Variants in NKAIN3 observed in about 807,000 individuals in gnomAD.
The protein encoded by NKAIN3 is sodium/potassium-transporting ATPase subunit beta-1-interacting protein 3.
Under a neutral mutation model 30.2 loss-of-function variants are expected in NKAIN3, and 25 were observed. The observed-to-expected ratio is 0.83, with a 90% CI of 0.60 to 1.16. The LOEUF is 1.16. NKAIN3 is among the 50% of genes most tolerant of loss of function. NKAIN3 has a pLI of 0.00. For missense variants in NKAIN3, 225 were observed against 254.1 expected (o/e 0.89, Z 0.78); for synonymous variants, 91 against 89.6 (o/e 1.02, Z -0.09).
At chr8:62,261,429 G>A (rs1229406342) in intron 1 of NKAIN3, among the ~76,000 whole-genome samples, 1 of 152,160 alleles carries the variant, frequency 6.6e-6, no homozygotes, top group Non-Finnish European at 1.5e-5. Context: ...TGAGTGACTA[G>A]AATCTAGAAT....
rs775979385 is a variant in NKAIN3 at position 62,345,249 on chromosome 8, G to GTATA, written c.54+96129_54+96132dup. On this transcript the variant is annotated intron_variant, in intron 1 of 6. Coordinates refer to ENST00000623646, the MANE Select transcript of NKAIN3 (RefSeq NM_001304533.3). ...CAGCCACCAAAATATGTACATGTGGGTATATATATACACACACACACACAC... is the reference window on the plus strand; with the variant it reads ...CAGCCACCAAAATATGTACATGTGGGTATATATATATATACACACACACACACAC... Among the ~76,000 whole-genome samples, 3 of 51,840 alleles carry GTATA rather than the reference G, an allele frequency of 5.8e-5. 1 individual carries two copies. The highest frequency in any genetic ancestry group is 1.7e-4 in the African/African-American group (3 of 18,158). 34.0% of individuals were successfully genotyped at this position (51,840 alleles called of 152,430 possible). A position where few individuals can be genotyped will look rare whatever the true frequency, so the allele number is the denominator to read the frequency against.
intron 1 of NKAIN3, among the ~76,000 whole-genome samples, chr8:62,320,400 G>C (rs1234754108): frequency 6.6e-6 from 1 of 151,984 alleles, no homozygotes; most frequent in African/African-American, 2.4e-5. Flanking sequence ...TATTTTGCTC[G>C]TTAGTTGATG....
At chr8:62,444,689 C>G (rs1805427886) in intron 1 of NKAIN3, among the ~76,000 whole-genome samples, 1 of 152,126 alleles carries the variant, frequency 6.6e-6, no homozygotes, top group Non-Finnish European at 1.5e-5. Context: ...GGTATCTCTT[C>G]AATATATTTA....
intron 1 of NKAIN3, among the ~76,000 whole-genome samples, chr8:62,347,624 C>A (rs561594224): frequency 1.3e-3 from 201 of 151,878 alleles, no homozygotes; most frequent in Non-Finnish European, 2.2e-3. Context: ...CATAACTAAA[C>A]AAGGATTAAA....
At chr8:62,322,180 T>A (rs962468462) in intron 1 of NKAIN3, among the ~76,000 whole-genome samples, 4 of 152,170 alleles carry the variant, frequency 2.6e-5, no homozygotes, top group African/African-American at 9.7e-5. Flanking sequence ...ATTGGAAAAG[T>A]GCAGTATTAG....
At chr8:62,964,106 G>A (rs1364737898) in intron 6 of NKAIN3, among the ~76,000 whole-genome samples, 1 of 152,178 alleles carries the variant, frequency 6.6e-6, no homozygotes, top group East Asian at 1.9e-4. Context: ...AATTAATCAT[G>A]AGGCCTGGAT....
At chr8:62,588,617 C>T (rs1229033646) in intron 2 of NKAIN3, among the ~76,000 whole-genome samples, 1 of 151,626 alleles carries the variant, frequency 6.6e-6, no homozygotes, top group Non-Finnish European at 1.5e-5. Flanking sequence ...TACACAGAGT[C>T]TAAATTTTAT....
At chr8:62,415,722 A>G (rs1006523978) in intron 1 of NKAIN3, among the ~76,000 whole-genome samples, 4 of 150,506 alleles carry the variant, frequency 2.7e-5, no homozygotes, top group Admixed American at 6.6e-5. Flanking sequence ...GCAGGTACAG[A>G]TGATTCATTA....
downstream of NKAIN3, among the ~76,000 whole-genome samples, chr8:62,988,259 C>T (rs1158873746): frequency 6.6e-6 from 1 of 152,194 alleles, no homozygotes; most frequent in Non-Finnish European, 1.5e-5. Context: ...AGTGGGTCTA[C>T]CATTCTGGGG....
chr8:62,392,702 G>C (rs1030508511), intron 1 of NKAIN3, among the ~76,000 whole-genome samples: 1 of 151,994 alleles, frequency 6.6e-6, no homozygotes, highest in Admixed American at 6.6e-5. Context: ...CTGTCAAAGT[G>C]TTGCATCTGT....
intron 1 of NKAIN3, among the ~76,000 whole-genome samples, chr8:62,479,138 T>C (rs1215998525): frequency 1.3e-5 from 2 of 152,182 alleles, no homozygotes; most frequent in Non-Finnish European, 2.9e-5. Context: ...AGGCTCCTTG[T>C]TCACCAAACC....
downstream of NKAIN3, among the ~76,000 whole-genome samples, chr8:62,988,292 C>T (rs940027875): frequency 4.6e-5 from 7 of 152,222 alleles, no homozygotes; most frequent in African/African-American, 7.2e-5. Context: ...TGACCCTCTT[C>T]TTGAAGCTCC....
intron 4 of NKAIN3, among the ~76,000 whole-genome samples, chr8:62,777,620 A>G (rs1353610081): frequency 1.3e-5 from 2 of 152,152 alleles, no homozygotes; most frequent in Non-Finnish European, 2.9e-5. Context: ...GATTTAATTG[A>G]AATTCCACCA....
chr8:62,923,294 C>T (rs1360101145), intron 5 of NKAIN3, among the ~76,000 whole-genome samples: 3 of 151,800 alleles, frequency 2.0e-5, no homozygotes, highest in Non-Finnish European at 2.9e-5. Flanking sequence ...CACTGCACTC[C>T]AGCCTGGCTG....
At chr8:62,375,449 C>T (rs576447658) in intron 1 of NKAIN3, among the ~76,000 whole-genome samples, 2 of 152,314 alleles carry the variant, frequency 1.3e-5, no homozygotes, top group East Asian at 1.9e-4. Context: ...GGAGGGAGAG[C>T]TCAGACCTGA....
intron 3 of NKAIN3, among the ~76,000 whole-genome samples, chr8:62,683,664 C>T (rs1260465827): frequency 6.6e-6 from 1 of 152,110 alleles, no homozygotes; most frequent in African/African-American, 2.4e-5. Context: ...TTTATTAAAA[C>T]AGTCACTTAG....
chr8:62,917,705 C>T (rs145539018), intron 4 of NKAIN3, among the ~76,000 whole-genome samples: 11 of 152,250 alleles, frequency 7.2e-5, no homozygotes, highest in Admixed American at 7.2e-4. Flanking sequence ...TTTTTCATAC[C>T]TATTGAAGTG....
At chr8:62,959,895 AG>A (rs1347597570) in intron 6 of NKAIN3, among the ~76,000 whole-genome samples, 2 of 152,220 alleles carry the variant, frequency 1.3e-5, no homozygotes, top group Middle Eastern at 3.2e-3. Flanking sequence ...GTTGTCCCGA[AG>A]GAGAGATGGG....
intron 4 of NKAIN3, among the ~76,000 whole-genome samples, chr8:62,892,142 A>G (rs915004640): frequency 1.7e-4 from 26 of 152,176 alleles, no homozygotes; most frequent in Non-Finnish European, 2.9e-4. Flanking sequence ...TTTTTATACA[A>G]CCATTTAATT....
Sources: allele counts gnomAD v4.1 joint callset (sites outside exome capture counted in the v4.1 genomes callset), GRCh38; gene constraint gnomAD v4.1.1; transcripts MANE v1.5; gene names NCBI Gene and HGNC (gene_info 2026-07-23, HGNC 2026-07-21).